The following HDAC8 variants were observed in gnomAD, a reference collection of about 807,000 sequenced individuals.
HDAC8 encodes histone deacetylase 8.
A neutral mutation model predicts 32.2 loss-of-function variants in HDAC8; 1 was observed. That is an observed-to-expected ratio of 0.03 (90% CI 0.01 to 0.15). HDAC8 has a LOEUF of 0.15. HDAC8 is among the 10% of genes least tolerant of loss of function. The probability of loss-of-function intolerance (pLI) is 1.00; values close to 1 mark genes in which losing one functional copy is unlikely to be tolerated. For synonymous variants in HDAC8, 108 were observed against 113.9 expected, an observed-to-expected ratio of 0.95 and a Z score of 0.33; for missense variants, 117 against 300.0, an observed-to-expected ratio of 0.39 and a Z score of 4.51.
At chrX:72,569,952 T>G (rs949473380) in intron 2 of HDAC8, among the ~76,000 whole-genome samples, 1 of 112,263 alleles carries the variant, frequency 8.9e-6, no homozygotes, top group East Asian at 2.8e-4. Context: ...ATATACACAT[T>G]CAAGTTGAAG....
intron 7 of HDAC8, among the ~76,000 whole-genome samples, chrX:72,470,788 C>T (rs1372202325): frequency 8.9e-6 from 1 of 111,734 alleles, no homozygotes; most frequent in Non-Finnish European, 1.9e-5. Context: ...AAAAAATCTG[C>T]AGCTGGTTAT....
chrX:72,488,831 T>A, intron 7 of HDAC8, 102 bp downstream of exon 7: 1 of 467,374 alleles, frequency 2.1e-6, no homozygotes, highest in Non-Finnish European at 3.6e-6. Context: ...GGTATATAGA[T>A]GTTTTCTTTT....
At chrX:72,385,893 C>T (rs953893500) in intron 9 of HDAC8, among the ~76,000 whole-genome samples, 3 of 111,916 alleles carry the variant, frequency 2.7e-5, no homozygotes, top group South Asian at 3.8e-4. Flanking sequence ...TGTACTCTAC[C>T]GCCTCTGCCA....
At chrX:72,492,088 A>C (rs1184987063) in intron 5 of HDAC8, among the ~76,000 whole-genome samples, 2 of 112,076 alleles carry the variant, frequency 1.8e-5, no homozygotes, top group African/African-American at 3.2e-5. Context: ...AAAAGCATGA[A>C]GTAAAAAAAA....
intron 4 of HDAC8, among the ~76,000 whole-genome samples, chrX:72,495,802 A>T (rs1231587862): frequency 8.9e-6 from 1 of 112,335 alleles, no homozygotes; most frequent in Admixed American, 9.4e-5. Flanking sequence ...TAGAATATAC[A>T]AATGCATAAT....
chrX:72,396,128 T>A (rs1555965539), intron 9 of HDAC8, among the ~76,000 whole-genome samples: 1 of 112,070 alleles, frequency 8.9e-6, no homozygotes, highest in Admixed American at 9.4e-5. Flanking sequence ...AAACTAGGTA[T>A]CTTTCTACTA....
intron 9 of HDAC8, among the ~76,000 whole-genome samples, chrX:72,412,289 C>A (rs980286544): frequency 2.6e-4 from 29 of 111,961 alleles, no homozygotes; most frequent in South Asian, 7.4e-4. Context: ...TTTGGGAGAC[C>A]TTGGATACTT....
chrX:72,511,745 A>T (rs1603131787), intron 4 of HDAC8, among the ~76,000 whole-genome samples: 1 of 112,226 alleles, frequency 8.9e-6, no homozygotes, highest in East Asian at 2.8e-4. Flanking sequence ...AATTTTTGAC[A>T]CACAACAAAA....
intron 9 of HDAC8, among the ~76,000 whole-genome samples, chrX:72,406,512 T>G (rs897038041): frequency 2.1e-4 from 24 of 112,536 alleles, no homozygotes; most frequent in African/African-American, 7.8e-4. Context: ...ATTACAGGCA[T>G]GAGCCACTAT....
chrX:72,443,127 C>T (rs62471529), intron 9 of HDAC8, among the ~76,000 whole-genome samples: 4 of 110,532 alleles, frequency 3.6e-5, no homozygotes, highest in Admixed American at 1.9e-4. Flanking sequence ...GACAGATCAG[C>T]GAGACAGAAA....
At chrX:72,495,483 T>C (rs1375227930) in intron 4 of HDAC8, among the ~76,000 whole-genome samples, 5 of 111,986 alleles carry the variant, frequency 4.5e-5, no homozygotes, top group Non-Finnish European at 1.9e-5. Context: ...ATTGGTAATA[T>C]TTTCCATTCA....
intron 4 of HDAC8, among the ~76,000 whole-genome samples, chrX:72,564,612 C>T (rs782332387): frequency 8.9e-6 from 1 of 112,077 alleles, no homozygotes; most frequent in African/African-American, 3.2e-5. Flanking sequence ...TAGTTTATTA[C>T]AGTAGATGAG....
At chrX:72,436,993 C>T (rs1189545879) in intron 9 of HDAC8, among the ~76,000 whole-genome samples, 2 of 111,803 alleles carry the variant, frequency 1.8e-5, no homozygotes, top group Non-Finnish European at 3.8e-5. Flanking sequence ...TTTAAAAATG[C>T]CCAAGTAACC....
At chrX:72,372,041 C>T in intron 9 of HDAC8, among the ~76,000 whole-genome samples, 1 of 111,319 alleles carries the variant, frequency 9.0e-6, no homozygotes, top group East Asian at 2.8e-4. Flanking sequence ...TTTTTCAGGT[C>T]CCCTCTGCCA....
chrX:72,329,884 CTT>C lies in HDAC8; in HGVS notation c.*168_*169del. 1.3e-6 allele frequency: 1 copy of C among 797,664 alleles called. No individual in the cohort carries two copies. The allele number at this position is 797,664 out of a possible 1,213,427, so 65.7% of individuals were successfully genotyped here. A position where few individuals can be genotyped will look rare whatever the true frequency, so the allele number is the denominator to read the frequency against. ...GTTGAGGACTCTGGGGTGCCTGCCT[CTT>C]CACCCCAGGAAGCCAGCTGCCACTT... On this transcript the variant is annotated 3_prime_UTR_variant, in exon 11 of 11. Transcript: ENST00000373573.
intron 1 of HDAC8, 55 bp downstream of exon 1, chrX:72,572,596 A>AGCGCCCCCCCCCCC: frequency 3.2e-6 from 1 of 316,324 alleles, no homozygotes; most frequent in Non-Finnish European, 5.6e-6. Flanking sequence ...TCTTTCGTCC[A>AGCGCCCCCCCCCCC]CCGCCCCCAC....
chrX:72,572,796 G>A lies in HDAC8; in HGVS notation c.-35C>T, dbSNP rs2052154283. 3 of 1,141,992 alleles carry A rather than the reference G, an allele frequency of 2.6e-6. No individual in the cohort carries two copies. The highest frequency in any genetic ancestry group is 3.6e-5 in the African/African-American group (2 of 55,658). 94.1% of individuals were successfully genotyped at this position (1,141,992 alleles called of 1,213,427 possible). On this transcript the variant is annotated 5_prime_UTR_variant, in exon 1 of 11. Transcript: ENST00000373573. ...AAAACCGTTCCGCAGCCACCTTCCAGATCTGGCTTTTTTCGGACTCGGCCA... is the reference window on the plus strand; with the variant it reads ...AAAACCGTTCCGCAGCCACCTTCCAAATCTGGCTTTTTTCGGACTCGGCCA...
chrX:72,431,963 G>C (rs149742969), intron 9 of HDAC8, among the ~76,000 whole-genome samples: 243 of 111,344 alleles, frequency 2.2e-3, no homozygotes, highest in African/African-American at 7.4e-3. Context: ...GGCAGAGCCT[G>C]GAGGATATAA....
intron 4 of HDAC8, among the ~76,000 whole-genome samples, chrX:72,559,276 T>C (rs2051413090): frequency 9.2e-6 from 1 of 108,299 alleles, no homozygotes; most frequent in African/African-American, 3.4e-5. Context: ...TTCGCTGTGT[T>C]GGCCAGGCTG....
Sources: allele counts gnomAD v4.1 joint callset (sites outside exome capture counted in the v4.1 genomes callset), GRCh38; gene constraint gnomAD v4.1.1; transcripts MANE v1.5; gene names NCBI Gene and HGNC (gene_info 2026-07-23, HGNC 2026-07-21).